Variants in NWD2 observed in about 807,000 individuals in gnomAD.
NWD2 encodes NACHT and WD repeat domain-containing protein 2.
Under a neutral mutation model 132.7 loss-of-function variants are expected in NWD2, and 37 were observed. The observed-to-expected ratio is 0.28, with a 90% confidence interval of 0.21 to 0.37. The LOEUF (loss-of-function observed/expected upper bound fraction) is 0.37. NWD2 is among the 10% of genes least tolerant of loss of function. The probability of loss-of-function intolerance (pLI) is 1.00; values close to 1 mark genes in which losing one functional copy is unlikely to be tolerated. For missense variants in NWD2, 1,592 were observed against 2,122.4 expected (o/e 0.75, Z 4.91); for synonymous variants, 705 against 803.0 (o/e 0.88, Z 2.06).
intron 3 of NWD2, among the ~76,000 whole-genome samples, chr4:37,363,728 T>C (rs910386099): frequency 6.6e-6 from 1 of 152,180 alleles, no homozygotes; most frequent in Non-Finnish European, 1.5e-5. Context: ...ACCTGGGTGA[T>C]GGGATCAGTC....
intron 1 of NWD2, among the ~76,000 whole-genome samples, chr4:37,298,619 A>G (rs1718549286): frequency 1.3e-5 from 2 of 152,158 alleles, no homozygotes; most frequent in Admixed American, 6.5e-5. Context: ...AGAGCTCTTC[A>G]TTATTTGCTA....
At chr4:37,421,629 A>G (rs1711810764) in intron 3 of NWD2, among the ~76,000 whole-genome samples, 1 of 152,236 alleles carries the variant, frequency 6.6e-6, no homozygotes, top group Non-Finnish European at 1.5e-5. Flanking sequence ...CTCTCAAAGA[A>G]ATGTGATTGA....
chr4:37,350,794 C>A (rs181920117), intron 2 of NWD2, among the ~76,000 whole-genome samples: 171 of 152,248 alleles, frequency 1.1e-3, no homozygotes, highest in African/African-American at 4.0e-3. Context: ...AGTTTTTGCC[C>A]ATTGAGTATG....
chr4:37,423,665 G>A (rs1479145041), intron 3 of NWD2, among the ~76,000 whole-genome samples: 1 of 152,164 alleles, frequency 6.6e-6, no homozygotes, highest in African/African-American at 2.4e-5. Context: ...CAGTTGGGAA[G>A]GGCCATCTGC....
chr4:37,325,165 A>G (rs1719144143), intron 1 of NWD2, among the ~76,000 whole-genome samples: 1 of 152,170 alleles, frequency 6.6e-6, no homozygotes, highest in South Asian at 2.1e-4. Context: ...TTTCTGTGCA[A>G]AACATTCGAC....
intron 3 of NWD2, among the ~76,000 whole-genome samples, chr4:37,430,088 G>A (rs574113516): frequency 8.5e-5 from 13 of 152,220 alleles, no homozygotes; most frequent in African/African-American, 2.9e-4. Context: ...TGCCAGTGGG[G>A]TTACTAGTAG....
intron 3 of NWD2, among the ~76,000 whole-genome samples, chr4:37,359,324 C>A (rs768887400): frequency 6.6e-6 from 1 of 152,058 alleles, no homozygotes; most frequent in Non-Finnish European, 1.5e-5. Flanking sequence ...GCAGATAGAG[C>A]TAGGATTATT....
chr4:37,423,537 C>T (rs1347432846), intron 3 of NWD2, among the ~76,000 whole-genome samples: 2 of 152,052 alleles, frequency 1.3e-5, no homozygotes, highest in African/African-American at 2.4e-5. Context: ...GGAATAAGTC[C>T]CGGTCCAAGA....
chr4:37,343,505 A>T (rs185823419), intron 2 of NWD2, among the ~76,000 whole-genome samples: 171 of 152,352 alleles, frequency 1.1e-3, no homozygotes, highest in African/African-American at 4.0e-3. Flanking sequence ...ACAAAATTCA[A>T]GTACAAAGCG....
intron 1 of NWD2, among the ~76,000 whole-genome samples, chr4:37,282,289 A>C (rs1254203669): frequency 6.6e-6 from 1 of 152,172 alleles, no homozygotes; most frequent in African/African-American, 2.4e-5. Context: ...AATTGATAGC[A>C]TTATAGCTAT....
At chr4:37,431,179 TGAA>T (rs1448320915) in intron 4 of NWD2, among the ~76,000 whole-genome samples, 3 of 152,046 alleles carry the variant, frequency 2.0e-5, no homozygotes, top group Non-Finnish European at 2.9e-5. Context: ...ATCACTGTCT[TGAA>T]GAGATATCCA....
At chr4:37,396,986 T>C (rs1025708874) in intron 3 of NWD2, among the ~76,000 whole-genome samples, 1 of 151,716 alleles carries the variant, frequency 6.6e-6, no homozygotes, top group African/African-American at 2.4e-5. Flanking sequence ...TGAGCCAAGA[T>C]CGTGCCATAG....
intron 3 of NWD2, among the ~76,000 whole-genome samples, chr4:37,404,308 C>T (rs1264506011): frequency 6.6e-6 from 1 of 152,120 alleles, no homozygotes; most frequent in East Asian, 1.9e-4. Flanking sequence ...TTATTATTGC[C>T]GGGCTTCTAA....
intron 3 of NWD2, among the ~76,000 whole-genome samples, chr4:37,423,432 C>T (rs1370705910): frequency 6.6e-6 from 1 of 152,126 alleles, no homozygotes; most frequent in African/African-American, 2.4e-5. Flanking sequence ...GTCTGACAAG[C>T]CCCATGATCT....
intron 3 of NWD2, among the ~76,000 whole-genome samples, chr4:37,363,150 AAAC>A (rs1245552938): frequency 8.5e-5 from 13 of 152,328 alleles, no homozygotes; most frequent in African/African-American, 3.1e-4. Flanking sequence ...AAAACTCAAA[AAAC>A]AACAGATGCT....
At chr4:37,271,268 A>G (rs560223785) in intron 1 of NWD2, among the ~76,000 whole-genome samples, 25 of 151,956 alleles carry the variant, frequency 1.6e-4, no homozygotes, top group African/African-American at 5.8e-4. Context: ...GTCAAGTTCT[A>G]TAAAACAGCC....
intron 3 of NWD2, among the ~76,000 whole-genome samples, chr4:37,423,745 T>G (rs1344089521): frequency 2.6e-5 from 4 of 151,630 alleles, no homozygotes; most frequent in African/African-American, 4.8e-5. Context: ...CCAGAAATAA[T>G]GTTAAGTCAA....
chr4:37,317,359 G>C (rs6843679), intron 1 of NWD2, among the ~76,000 whole-genome samples: 3,777 of 152,230 alleles, frequency 0.025, 157 homozygotes, highest in African/African-American at 0.086. Context: ...TTATTTTCTT[G>C]ATCTCCTTGT....
intron 2 of NWD2, 112 bp from the exon 3 acceptor site, chr4:37,356,254 T>A: frequency 1.8e-6 from 1 of 540,562 alleles, no homozygotes; most frequent in Non-Finnish European, 3.2e-6. Flanking sequence ...ACTTCCCCTC[T>A]GTAAGAGAAA....
Sources: allele counts gnomAD v4.1 joint callset (sites outside exome capture counted in the v4.1 genomes callset), GRCh38; gene constraint gnomAD v4.1.1; transcripts MANE v1.5; gene names NCBI Gene and HGNC (gene_info 2026-07-23, HGNC 2026-07-21).